Variants in SOX6 observed in about 807,000 individuals in gnomAD.
SOX6 encodes the protein transcription factor SOX-6.
In SOX6, 11 loss-of-function variants were observed where a neutral mutation model predicts 97.8. The ratio of observed to expected loss-of-function variants is 0.11; its 90% confidence interval spans 0.07 to 0.19. The LOEUF is 0.19. SOX6 is among the 10% of genes least tolerant of loss of function. The pLI is 1.00. For missense variants in SOX6, 810 were observed against 1,039.5 expected (o/e 0.78, Z 3.04); for synonymous variants, 360 against 371.4 (o/e 0.97, Z 0.35).
intron 10 of SOX6, among the ~76,000 whole-genome samples, chr11:16,051,602 C>A (rs1272463986): frequency 1.3e-5 from 2 of 152,216 alleles, no homozygotes; most frequent in South Asian, 4.2e-4. Context: ...CAATTTACTT[C>A]CCTTTGCTCT....
intron 2 of SOX6, among the ~76,000 whole-genome samples, chr11:16,332,919 A>G (rs889564153): frequency 6.6e-6 from 1 of 152,198 alleles, no homozygotes; most frequent in African/African-American, 2.4e-5. Context: ...ACAATCAAAC[A>G]GTGGAATAAT....
chr11:16,587,276 C>T (rs4511253), intron 4 of SOX6, among the ~76,000 whole-genome samples: 149,087 of 152,298 alleles, frequency 0.98, 73,065 homozygotes, highest in East Asian at 1. Context: ...CTATGTAAAC[C>T]TGGGCATGTC....
intron 3 of SOX6, among the ~76,000 whole-genome samples, chr11:16,702,957 T>TA (rs1848106027): frequency 6.7e-6 from 1 of 149,996 alleles, no homozygotes. Flanking sequence ...TATATATATA[T>TA]AAATTCTTCC....
chr11:16,726,616 A>G (rs1051653325), intron 2 of SOX6, among the ~76,000 whole-genome samples: 1 of 152,236 alleles, frequency 6.6e-6, no homozygotes, highest in African/African-American at 2.4e-5. Context: ...CAATTTATGC[A>G]ATAACAATAA....
chr11:16,107,809 A>G (rs1251381813), intron 7 of SOX6, among the ~76,000 whole-genome samples: 2 of 152,112 alleles, frequency 1.3e-5, no homozygotes, highest in Non-Finnish European at 2.9e-5. Context: ...TGTATATTTT[A>G]CTGCAATAAA....
At chr11:16,549,014 T>C (rs910811861) in intron 4 of SOX6, among the ~76,000 whole-genome samples, 1 of 152,056 alleles carries the variant, frequency 6.6e-6, no homozygotes, top group African/African-American at 2.4e-5. Context: ...TTCAATTTAA[T>C]TAAAAATAAT....
chr11:16,061,228 T>C lies in SOX6; in HGVS notation c.1102-5327A>G, dbSNP rs541233165. Among the ~76,000 whole-genome samples the C allele has an allele frequency of 1.9e-4, 28 of 149,150 alleles. 1 individual carries two copies. The South Asian group carries it at 4.6e-3, about 24-fold the overall frequency. The stretch of plus-strand genomic sequence containing the variant: ...AGTAACTGTTAGCTTCACTGAACAG[T>C]AGTAGCATTTCTAGACACCTAAAAA... On this transcript the variant is annotated intron_variant, in intron 9 of 15. Coordinates refer to ENST00000683767, the MANE Select transcript of SOX6 (RefSeq NM_001367873.1).
intron 1 of SOX6, among the ~76,000 whole-genome samples, chr11:16,417,688 T>A (rs140856820): frequency 0.017 from 2,591 of 152,324 alleles, 87 homozygotes; most frequent in African/African-American, 0.059. Context: ...TCTTATTTTT[T>A]AAAAGTTGAA....
intron 3 of SOX6, among the ~76,000 whole-genome samples, chr11:16,711,456 G>A (rs746402690): frequency 2.8e-4 from 43 of 152,318 alleles, no homozygotes; most frequent in Non-Finnish European, 5.0e-4. Context: ...CTCGGAGGTG[G>A]AAGCTCCAGT....
rs866578429 is a variant in SOX6, at chr11:16,189,839, G to A, written c.536-2884C>T. ...TTTATTGGATATAGTGATAGTTACT[G>A]TACTATAATTTTTTGTTAATAAAGA... is the stretch of plus-strand genomic sequence containing the variant. On this transcript the variant is annotated intron_variant, in intron 4 of 15. Coordinates refer to ENST00000683767, the MANE Select transcript of SOX6 (RefSeq NM_001367873.1). 2.0e-5 allele frequency among the ~76,000 whole-genome samples: 3 copies of A among 152,066 alleles called. No individual in the cohort carries two copies. The South Asian group carries it at 6.2e-4, about 32-fold the overall frequency.
intron 4 of SOX6, among the ~76,000 whole-genome samples, chr11:16,553,454 G>C (rs1164370829): frequency 2.0e-5 from 3 of 152,200 alleles, no homozygotes; most frequent in African/African-American, 7.2e-5. Context: ...ATGGAAAGGA[G>C]TGGTGACTTC....
intron 3 of SOX6, chr11:16,314,428 T>C (rs1855704000): frequency 6.6e-6 from 1 of 152,212 alleles, no homozygotes; most frequent in Admixed American, 6.5e-5. Context: ...ATATTTTATC[T>C]ATATAGCTCT....
chr11:16,299,552 A>T (rs1048558709), intron 3 of SOX6, among the ~76,000 whole-genome samples: 3 of 152,236 alleles, frequency 2.0e-5, no homozygotes, highest in East Asian at 3.9e-4. Context: ...TCTTTTTTTT[A>T]AAATCACCAC....
intron 13 of SOX6, among the ~76,000 whole-genome samples, chr11:15,989,964 GA>G: frequency 6.6e-6 from 1 of 152,096 alleles, no homozygotes; most frequent in Non-Finnish European, 1.5e-5. Context: ...CTTCCTAGGA[GA>G]TGTGATGTCT....
chr11:16,513,489 C>T (rs184434864), intron 4 of SOX6, among the ~76,000 whole-genome samples: 26 of 152,156 alleles, frequency 1.7e-4, no homozygotes, highest in African/African-American at 5.8e-4. Context: ...AGAAATTAGC[C>T]GGGCAAAGTG....
chr11:16,448,264 A>G lies in SOX6; in HGVS notation c.-5+28051T>C, dbSNP rs143086207. ...TGCTCCAGGTTAATAAAAATACATGATTTGTATTGCCAAGCACCTTTCCCC... is the reference window on the plus strand; with the variant it reads ...TGCTCCAGGTTAATAAAAATACATGGTTTGTATTGCCAAGCACCTTTCCCC... On this transcript the variant is annotated intron_variant, in intron 1 of 15. Transcript: ENST00000396356. Among the ~76,000 whole-genome samples, 521 of 152,140 alleles carry G rather than the reference A, an allele frequency of 3.4e-3. 1 individual carries two copies. The highest frequency in any genetic ancestry group is 5.6e-3 in the Non-Finnish European group (381 of 67,988).
chr11:16,362,604 G>A (rs1025255225), intron 1 of SOX6, among the ~76,000 whole-genome samples: 9 of 152,032 alleles, frequency 5.9e-5, no homozygotes, highest in African/African-American at 2.2e-4. Flanking sequence ...CAGAAGCATT[G>A]CATGGTATGC....
intron 4 of SOX6, among the ~76,000 whole-genome samples, chr11:16,503,445 A>G (rs1380278384): frequency 6.6e-6 from 1 of 152,234 alleles, no homozygotes; most frequent in African/African-American, 2.4e-5. Flanking sequence ...TCACATATCA[A>G]TAATAACCTT....
intron 2 of SOX6, among the ~76,000 whole-genome samples, chr11:16,325,357 T>C (rs935419309): frequency 8.5e-5 from 13 of 152,156 alleles, no homozygotes; most frequent in African/African-American, 2.9e-4. Context: ...TGGAAAGATA[T>C]ATTAAAATAT....
Sources: gnomAD v4.1 joint callset for allele counts (sites outside exome capture counted in the v4.1 genomes callset) on GRCh38, gnomAD v4.1.1 for gene constraint, MANE v1.5 for transcripts, NCBI Gene and HGNC (gene_info 2026-07-23, HGNC 2026-07-21) for gene names.